SIPA1L3: variants seen among roughly 807,000 people sequenced by gnomAD.
SIPA1L3 encodes signal induced proliferation associated 1 like 3.
In SIPA1L3, 59 loss-of-function variants were observed where a neutral mutation model predicts 150.1. The observed-to-expected ratio is 0.39, with a 90% CI of 0.32 to 0.49. SIPA1L3 has a LOEUF of 0.49. SIPA1L3 is among the 20% of genes least tolerant of loss of function. The probability of loss-of-function intolerance (pLI) is 0.86; values close to 1 mark genes in which losing one functional copy is unlikely to be tolerated. For synonymous variants in SIPA1L3, 1,070 were observed against 1,077.6 expected (o/e 0.99, Z 0.14); for missense variants, 2,211 against 2,489.5 (o/e 0.89, Z 2.38).
At chr19:37,979,705 C>G (rs189036252) in intron 1 of SIPA1L3, among the ~76,000 whole-genome samples, 84 of 152,314 alleles carry the variant, frequency 5.5e-4, no homozygotes, top group African/African-American at 1.8e-3. Context: ...GACCCACCCC[C>G]CAAACCTACA....
intron 2 of SIPA1L3, among the ~76,000 whole-genome samples, chr19:38,057,683 G>T (rs1177798702): frequency 1.3e-5 from 2 of 151,034 alleles, no homozygotes; most frequent in Non-Finnish European, 2.9e-5. Context: ...GTCTCGCTCT[G>T]TCGCCCAGGC....
chr19:38,163,620 G>A (rs758897970), intron 14 of SIPA1L3, among the ~76,000 whole-genome samples: 20 of 152,110 alleles, frequency 1.3e-4, no homozygotes, highest in Non-Finnish European at 2.6e-4. Flanking sequence ...GGAAGGGGGA[G>A]GCCCACGAAG....
intron 13 of SIPA1L3, among the ~76,000 whole-genome samples, chr19:38,155,014 G>A (rs1443636686): frequency 6.6e-6 from 1 of 152,110 alleles, no homozygotes; most frequent in Non-Finnish European, 1.5e-5. Flanking sequence ...ACCCGCTTCG[G>A]CTTCCCAAAG....
chr19:38,133,789 C>G (rs963343551), intron 10 of SIPA1L3, among the ~76,000 whole-genome samples: 9 of 152,168 alleles, frequency 5.9e-5, no homozygotes, highest in African/African-American at 1.9e-4. Context: ...ACAATAACGT[C>G]CTTTCCACAA....
intron 1 of SIPA1L3, among the ~76,000 whole-genome samples, chr19:37,967,253 C>A (rs965867089): frequency 4.6e-5 from 7 of 150,852 alleles, no homozygotes; most frequent in Admixed American, 6.6e-5. Context: ...AGTTCCCCCC[C>A]ACCCTTTTTT....
intron 1 of SIPA1L3, among the ~76,000 whole-genome samples, chr19:37,965,396 A>T (rs1221444936): frequency 6.8e-6 from 1 of 148,144 alleles, no homozygotes; most frequent in African/African-American, 2.5e-5. Context: ...GCTCACTGTG[A>T]CCTCCGTCTC....
intron 9 of SIPA1L3, among the ~76,000 whole-genome samples, chr19:38,122,027 C>G (rs957234005): frequency 1.3e-5 from 2 of 151,840 alleles, no homozygotes; most frequent in Non-Finnish European, 2.9e-5. Context: ...TCAAGACCAG[C>G]CTGGCCAACA....
At chr19:37,972,168 A>AGTGTGTGTGT (rs34744094) in intron 1 of SIPA1L3, among the ~76,000 whole-genome samples, 2,826 of 145,016 alleles carry the variant, frequency 0.019, 40 homozygotes, top group African/African-American at 0.025. Context: ...AGAGATACCT[A>AGTGTGTGTGT]GTGTGTGTGT....
chr19:38,091,783 C>T (rs1032255614), intron 4 of SIPA1L3, among the ~76,000 whole-genome samples: 8 of 151,876 alleles, frequency 5.3e-5, no homozygotes, highest in African/African-American at 1.9e-4. Flanking sequence ...ATAGGCGGGG[C>T]GTGGAGGCTC....
At chr19:38,178,847 C>A (rs1972501057) in intron 15 of SIPA1L3, among the ~76,000 whole-genome samples, 1 of 152,162 alleles carries the variant, frequency 6.6e-6, no homozygotes, top group African/African-American at 2.4e-5. Context: ...CTGGGGAAAG[C>A]ATTCCTGACC....
chr19:38,006,352 T>G (rs1967938471), intron 1 of SIPA1L3, among the ~76,000 whole-genome samples: 1 of 152,172 alleles, frequency 6.6e-6, no homozygotes, highest in Non-Finnish European at 1.5e-5. Context: ...ATGCTTGACC[T>G]TGCAGGCTTT....
At chr19:38,051,193 G>A (rs772742575) in intron 2 of SIPA1L3, among the ~76,000 whole-genome samples, 4 of 152,210 alleles carry the variant, frequency 2.6e-5, no homozygotes, top group East Asian at 1.9e-4. Context: ...TTAATGTGAC[G>A]TGATAAATAC....
At chr19:38,159,713 C>T (rs928841656) in intron 13 of SIPA1L3, among the ~76,000 whole-genome samples, 1 of 152,258 alleles carries the variant, frequency 6.6e-6, no homozygotes, top group Non-Finnish European at 1.5e-5. Context: ...TTAACCTCTC[C>T]GAGTCTTGTT....
At chr19:37,916,518 CTG>C (rs1047830877) in intron 1 of SIPA1L3, among the ~76,000 whole-genome samples, 1 of 141,500 alleles carries the variant, frequency 7.1e-6, no homozygotes, top group Admixed American at 7.0e-5. Context: ...AAAAAAAAGA[CTG>C]AAAGTATGGA....
intron 6 of SIPA1L3, among the ~76,000 whole-genome samples, chr19:38,103,210 T>C (rs1458779923): frequency 1.3e-5 from 2 of 151,356 alleles, no homozygotes. Context: ...GAGGTGGGTG[T>C]GTCTAGGAAA....
chr19:38,138,301 G>A (rs1971483450), intron 10 of SIPA1L3, among the ~76,000 whole-genome samples: 1 of 152,080 alleles, frequency 6.6e-6, no homozygotes, highest in Admixed American at 6.6e-5. Flanking sequence ...CTTCTTACTG[G>A]CTGTTTCACC....
rs1347191293 is a variant in SIPA1L3, at chr19:38,201,128, G to A, written c.4985-734G>A. On this transcript the variant is annotated intron_variant, in intron 19 of 21. Transcript: ENST00000222345. ...CCCTCAACACACGGCACACAGGGAC[G>A]CCTTGGTGTTTTTAACACCTCCGAG... Among the ~76,000 whole-genome samples, 4 of 152,310 alleles carry A rather than the reference G, an allele frequency of 2.6e-5. No individual in the cohort carries two copies. In the East Asian group the frequency reaches 5.8e-4, roughly 22 times the overall value.
chr19:37,929,695 G>T (rs758467564), intron 1 of SIPA1L3, among the ~76,000 whole-genome samples: 3 of 152,030 alleles, frequency 2.0e-5, no homozygotes, highest in Non-Finnish European at 4.4e-5. Flanking sequence ...CCTTGCAAAG[G>T]CTGTTTCCCC....
At chr19:38,148,396 C>G (rs974308514) in intron 12 of SIPA1L3, among the ~76,000 whole-genome samples, 1 of 151,520 alleles carries the variant, frequency 6.6e-6, no homozygotes, top group Non-Finnish European at 1.5e-5. Flanking sequence ...CACTTGCCCA[C>G]CCCTCAACCC....
Sources: allele counts gnomAD v4.1 joint callset (sites outside exome capture counted in the v4.1 genomes callset), GRCh38; gene constraint gnomAD v4.1.1; transcripts MANE v1.5; gene names NCBI Gene and HGNC (gene_info 2026-07-23, HGNC 2026-07-21).